Variants in ZNF160 observed in about 807,000 individuals in gnomAD.
ZNF160 encodes zinc finger protein 160.
A neutral mutation model predicts 13.1 loss-of-function variants in ZNF160; 9 were observed. The ratio of observed to expected loss-of-function variants is 0.69; its 90% CI spans 0.41 to 1.20. The LOEUF is 1.20. Among genes scored for constraint, ZNF160 ranks in the 50% most tolerant of loss-of-function variants. The probability of loss-of-function intolerance (pLI) is 0.01; values close to 1 mark genes in which losing one functional copy is unlikely to be tolerated. For missense variants in ZNF160, 838 were observed against 988.0 expected (o/e 0.85, Z 2.04); for synonymous variants, 293 against 333.2 (o/e 0.88, Z 1.31).
At position 53,085,330 on chromosome 19, in the gene ZNF160, G is replaced by C. The variant is rs1392417784; in HGVS notation, c.15+932C>G. ...AATGATGTCAAAATACATTTCTACAGGACTTGCACTGACCCTTCCCACAGA... is the reference window on the plus strand; with the variant it reads ...AATGATGTCAAAATACATTTCTACACGACTTGCACTGACCCTTCCCACAGA... On this transcript the variant is annotated intron_variant, in intron 3 of 5. Coordinates refer to ENST00000683776, the MANE Select transcript of ZNF160 (RefSeq NM_001322131.2). 2.1e-5 allele frequency: 10 copies of C among 486,542 alleles called. No individual in the cohort carries two copies. In the South Asian group the frequency reaches 8.9e-4, roughly 43 times the overall value. 30.1% of individuals were successfully genotyped at this position (486,542 alleles called of 1,614,324 possible).
chr19:53,073,268 CA>C, intron 5 of ZNF160: 1 of 1,526,026 alleles, frequency 6.6e-7, no homozygotes, highest in Non-Finnish European at 8.8e-7. Flanking sequence ...ATACGCACCC[CA>C]TGTAAGACTG....
Position 53,069,865 on chromosome 19 carries a change from A to C in ZNF160, c.669T>G (p.Ile223Met), listed in dbSNP as rs892878166. 1 of 1,614,114 alleles carries C rather than the reference A, an allele frequency of 6.2e-7. No individual in the cohort carries two copies. The highest frequency in any genetic ancestry group is 1.6e-4 in the Middle Eastern group (1 of 6,062). ...ACCTGTGGGTTTGGACACTAGAAGGAATTTGTTGAAGTGGTGACACTGAGG... is the reference window on the plus strand; with the variant it reads ...ACCTGTGGGTTTGGACACTAGAAGGCATTTGTTGAAGTGGTGACACTGAGG... The part of the protein sequence containing the change: ...NGSSVSPLQQ[I>M]PSSVQTHRSK... The change falls in exon 6 of 6, where the codon ATT becomes ATG. Residue 223 changes from isoleucine (I) to methionine (M), a missense_variant. Coordinates refer to ENST00000683776, the MANE Select transcript of ZNF160 (RefSeq NM_001322131.2). The surrounding 1 kb of genome is among the most constrained non-coding windows in gnomAD (Gnocchi z 4.4).
At chr19:53,075,789 A>G (rs374576666) in intron 3 of ZNF160, 11 of 518,896 alleles carry the variant, frequency 2.1e-5, no homozygotes, top group African/African-American at 1.2e-4. Flanking sequence ...CAAGCAAACT[A>G]ATCAATTTCA....
chr19:53,074,876 G>A (rs1056923262), intron 4 of ZNF160, among the ~76,000 whole-genome samples, 181 bp downstream of exon 4: 1 of 152,136 alleles, frequency 6.6e-6, no homozygotes, highest in African/African-American at 2.4e-5. Context: ...TACAAAGGAG[G>A]CAGAACATCT....
In ZNF160 at chr19:53,067,958, T is replaced by A. The variant is rs771938575; in HGVS notation, c.*119A>T. 139 of 1,380,666 alleles carry A rather than the reference T, an allele frequency of 1.0e-4. No homozygotes were observed. Among genetic ancestry groups the A allele is most frequent in the Non-Finnish European group, 1.3e-4 (133 of 1,020,024 alleles). 85.5% of individuals were successfully genotyped at this position (1,380,666 alleles called of 1,614,324 possible). A position where few individuals can be genotyped will look rare whatever the true frequency, so the allele number is the denominator to read the frequency against. The stretch of plus-strand genomic sequence containing the variant: ...TGTCTCTTGCTTATGGCCTCTCATA[T>A]CTATTAATGCTTCAACTCATGAGGG... On this transcript the variant is annotated 3_prime_UTR_variant, in exon 6 of 6. Transcript: ENST00000683776.
rs895478399 is a variant in ZNF160 at position 53,069,774 on chromosome 19, C to T, written c.760G>A (p.Gly254Arg). The T allele has an allele frequency of 3.1e-6, 5 of 1,614,010 alleles. No individual in the cohort carries two copies. In the Admixed American group the frequency reaches 5.0e-5, roughly 16 times the overall value. Residue 254 changes from glycine (G) to arginine (R), a missense_variant, in exon 6 of 6, where the codon GGA (glycine) becomes AGA (arginine). By Grantham distance (125) the Gly-to-Arg change is moderately radical. This residue lies in a region of ZNF160 where 387 missense variants were observed against 402.3 expected (regional missense o/e 0.96). Coordinates refer to ENST00000683776, the MANE Select transcript of ZNF160 (RefSeq NM_001322131.2). This position sits in a 1 kb window ranked among gnomAD's most constrained non-coding sequence, Gnocchi z 4.4. ...CATTCATTACATTTATAAGGTTTTCCACAACTGTTTGCTTTTCGTCTTTGT... is the reference window on the plus strand; with the variant it reads ...CATTCATTACATTTATAAGGTTTTCTACAACTGTTTGCTTTTCGTCTTTGT... ...LTQRRKANSCGKPYKCNECGK... is the reference protein window; with the variant it reads ...LTQRRKANSCRKPYKCNECGK...
At chr19:53,100,746 G>A (rs2085416259) in intron 1 of ZNF160, among the ~76,000 whole-genome samples, 3 of 152,164 alleles carry the variant, frequency 2.0e-5, no homozygotes, top group Admixed American at 2.0e-4. Context: ...TGTAATCCCA[G>A]CACTTTGGGA....
chr19:53,090,340 C>T (rs1459792502), intron 2 of ZNF160, among the ~76,000 whole-genome samples: 5 of 152,190 alleles, frequency 3.3e-5, no homozygotes, highest in African/African-American at 1.2e-4. Flanking sequence ...CCCTGCCCCA[C>T]ACTTTCTCAG....
chr19:53,070,340 C>A, intron 5 of ZNF160, 78 bp from the exon 6 acceptor site: 1 of 1,340,498 alleles, frequency 7.5e-7, no homozygotes, highest in Non-Finnish European at 9.9e-7. Context: ...AAACATATTC[C>A]ACCAAAAGTA....
intron 3 of ZNF160, 176 bp from the exon 4 acceptor site, chr19:53,075,359 G>T: frequency 1.4e-6 from 1 of 694,370 alleles, no homozygotes; most frequent in East Asian, 2.9e-5. Context: ...CCTGACATAA[G>T]AGCTCACTTG....
In ZNF160 at chr19:53,094,340, G is replaced by A. The variant is rs1301456314; in HGVS notation, c.-353-2620C>T. Among the ~76,000 whole-genome samples the A allele has an allele frequency of 2.6e-5, 4 of 152,080 alleles. No individual in the cohort carries two copies. The South Asian group carries it at 6.2e-4, about 24-fold the overall frequency. On this transcript the variant is annotated intron_variant, in intron 1 of 5. Coordinates refer to ENST00000683776, the MANE Select transcript of ZNF160 (RefSeq NM_001322131.2). ...CAAATAGAAATGGAAACGATGTTCC[G>A]ATCGTTGTCACTATGAAACTGAACA... is the stretch of plus-strand genomic sequence containing the variant.
At chr19:53,102,587 G>T (rs1052609303) in intron 1 of ZNF160, among the ~76,000 whole-genome samples, 2 of 152,038 alleles carry the variant, frequency 1.3e-5, no homozygotes, top group African/African-American at 4.8e-5. Flanking sequence ...TCACTCTGTC[G>T]CTGCAAATCT....
At chr19:53,084,782 T>C (rs1006431969) in intron 3 of ZNF160, among the ~76,000 whole-genome samples, 1 of 152,118 alleles carries the variant, frequency 6.6e-6, no homozygotes, top group East Asian at 1.9e-4. Flanking sequence ...TGACGTGGCA[T>C]TGGTGGGAGA....
intron 5 of ZNF160, 125 bp from the exon 6 acceptor site, chr19:53,070,387 G>T: frequency 3.1e-6 from 3 of 982,484 alleles, no homozygotes; most frequent in Non-Finnish European, 4.2e-6. Flanking sequence ...CTTCAGAACT[G>T]TGAATTTCAA....
At chr19:53,074,656 C>T (rs1191156372) in intron 4 of ZNF160, among the ~76,000 whole-genome samples, 3 of 125,858 alleles carry the variant, frequency 2.4e-5, no homozygotes, top group South Asian at 2.6e-4. Flanking sequence ...GGCGACAGAG[C>T]GAGACTCCGC....
intron 2 of ZNF160, among the ~76,000 whole-genome samples, chr19:53,088,397 C>T (rs981332427): frequency 4.6e-5 from 7 of 151,774 alleles, no homozygotes; most frequent in South Asian, 2.1e-4. Context: ...ACAAAGTGGC[C>T]GCACACGGCT....
chr19:53,068,010 G>A lies in ZNF160; in HGVS notation c.*67C>T, dbSNP rs2084018384. The A allele has an allele frequency of 1.1e-5, 17 of 1,527,502 alleles. No homozygotes were observed. The highest frequency in any genetic ancestry group is 1.5e-5 in the Non-Finnish European group (17 of 1,137,734). 94.6% of individuals were successfully genotyped at this position (1,527,502 alleles called of 1,614,324 possible). Reference sequence around the variant, plus strand: ...TTGGCCACTGTCACTACATTTGTAAGGATTCTGTCAAGAATGAAATTAACT... The same window carrying A: ...TTGGCCACTGTCACTACATTTGTAAAGATTCTGTCAAGAATGAAATTAACT... On this transcript the variant is annotated 3_prime_UTR_variant, in exon 6 of 6. Transcript: ENST00000683776.
chr19:53,079,333 C>G (rs190877710), intron 3 of ZNF160, among the ~76,000 whole-genome samples: 2 of 151,836 alleles, frequency 1.3e-5, no homozygotes, highest in African/African-American at 4.8e-5. Flanking sequence ...GGTGGATCAC[C>G]TGAGGTCAGG....
chr19:53,076,746 T>G (rs572218854), intron 3 of ZNF160, among the ~76,000 whole-genome samples: 2 of 152,136 alleles, frequency 1.3e-5, no homozygotes, highest in East Asian at 3.9e-4. Flanking sequence ...ATGGACCAAA[T>G]TGTCTTTGTG....
Sources: gnomAD v4.1 joint callset for allele counts (sites outside exome capture counted in the v4.1 genomes callset) on GRCh38, gnomAD v4.1.1 for gene constraint, gnomAD v4.1.1 regional missense constraint, Gnocchi (gnomAD v3.1) non-coding constraint, MANE v1.5 for transcripts, NCBI Gene and HGNC (gene_info 2026-07-23, HGNC 2026-07-21) for gene names.